CFAP299: variants seen among roughly 807,000 people sequenced by gnomAD.
The protein encoded by CFAP299 is cilia- and flagella-associated protein 299.
In CFAP299, 21 loss-of-function variants were observed where a neutral mutation model predicts 27.0. The observed-to-expected ratio is 0.78, with a 90% CI of 0.55 to 1.12. The LOEUF (loss-of-function observed/expected upper bound fraction) is 1.12, where lower values mean the gene tolerates loss of function less well. Ranked by LOEUF, CFAP299 falls within the 50% of genes most tolerant of loss-of-function variation. The pLI is 0.00. For missense variants in CFAP299, 310 were observed against 276.6 expected, an observed-to-expected ratio of 1.12 and a Z score of -0.86; for synonymous variants, 104 against 98.1, an observed-to-expected ratio of 1.06 and a Z score of -0.36.
upstream of CFAP299, among the ~76,000 whole-genome samples, chr4:80,335,206 A>C (rs731658): frequency 0.066 from 9,991 of 152,272 alleles, 350 homozygotes; most frequent in Middle Eastern, 0.18. Context: ...AAAGGTCTGC[A>C]AAGACATTTT....
rs537449467 is a variant in CFAP299, at chr4:80,454,995, G to T, written c.242+92111G>T. On this transcript the variant is annotated intron_variant, in intron 2 of 5. Coordinates refer to ENST00000358105, the MANE Select transcript of CFAP299 (RefSeq NM_152770.3). Reference sequence around the variant, plus strand: ...CAGATGAGCCAGTTTATTGATCTGGGTGACACTAGCTGATCTGAGTGCAGG... The same window carrying T: ...CAGATGAGCCAGTTTATTGATCTGGTTGACACTAGCTGATCTGAGTGCAGG... Among the ~76,000 whole-genome samples the T allele has an allele frequency of 9.2e-5, 14 of 152,210 alleles. No homozygotes were observed. In the South Asian group the frequency reaches 1.5e-3, roughly 16 times the overall value.
chr4:80,587,751 C>T (rs767696101), intron 3 of CFAP299, among the ~76,000 whole-genome samples: 1 of 152,062 alleles, frequency 6.6e-6, no homozygotes, highest in Admixed American at 6.5e-5. Context: ...GTCACCACAC[C>T]CAGCTAATTT....
rs76569015 is a variant in CFAP299 at position 80,608,662 on chromosome 4, T to C, written c.333+25479T>C. On this transcript the variant is annotated intron_variant, in intron 3 of 5. Coordinates refer to ENST00000358105, the MANE Select transcript of CFAP299 (RefSeq NM_152770.3). ...ACTTAAAAAATCCATACAACTCTTA[T>C]ATTTTAAAATCTTATTTTTTAAAGA... is the stretch of plus-strand genomic sequence containing the variant. 1.2e-4 allele frequency among the ~76,000 whole-genome samples: 19 copies of C among 152,272 alleles called. No individual in the cohort carries two copies. In the East Asian group the frequency reaches 2.5e-3, roughly 20 times the overall value.
At chr4:80,900,162 C>T (rs867359465) in intron 4 of CFAP299, among the ~76,000 whole-genome samples, 2 of 65,676 alleles carry the variant, frequency 3.0e-5, no homozygotes, top group African/African-American at 1.0e-4. Flanking sequence ...GTGTGTGTGT[C>T]TGAGAGAGTA....
intron 3 of CFAP299, among the ~76,000 whole-genome samples, chr4:80,801,369 A>G (rs1728589954): frequency 6.6e-6 from 1 of 152,024 alleles, no homozygotes; most frequent in South Asian, 2.1e-4. Context: ...ATTAATTTTT[A>G]TCAATAAAAT....
At chr4:80,716,912 G>C (rs1027356340) in intron 3 of CFAP299, among the ~76,000 whole-genome samples, 1 of 152,034 alleles carries the variant, frequency 6.6e-6, no homozygotes, top group African/African-American at 2.4e-5. Flanking sequence ...AACCTTTGAA[G>C]GAATGTGTTT....
chr4:80,683,783 T>C (rs1028082401), intron 3 of CFAP299, among the ~76,000 whole-genome samples: 2 of 152,230 alleles, frequency 1.3e-5, no homozygotes, highest in Admixed American at 1.3e-4. Flanking sequence ...TAACAACGTT[T>C]ATGAAATATT....
intron 4 of CFAP299, among the ~76,000 whole-genome samples, chr4:80,875,474 A>G (rs1454687098): frequency 6.6e-6 from 1 of 152,106 alleles, no homozygotes; most frequent in Non-Finnish European, 1.5e-5. Flanking sequence ...ACCCTGGCCA[A>G]CATGGTGAAA....
chr4:80,413,159 T>C (rs1348642572), intron 2 of CFAP299, among the ~76,000 whole-genome samples: 1 of 152,170 alleles, frequency 6.6e-6, no homozygotes, highest in East Asian at 1.9e-4. Context: ...AAAGCTTAAC[T>C]GGAGTGGGTT....
intron 3 of CFAP299, among the ~76,000 whole-genome samples, chr4:80,799,656 TATTATATTTTATAAATATATATTTATAA>T (rs1728190973): frequency 1.7e-4 from 3 of 17,970 alleles, no homozygotes; most frequent in Non-Finnish European, 2.5e-4. Flanking sequence ...ATATTTTATA[TATTATATTTTATAAATATATATTTATAA>T]ATATATAATA....
intron 3 of CFAP299, among the ~76,000 whole-genome samples, chr4:80,667,769 G>A (rs1741216089): frequency 6.6e-6 from 1 of 152,100 alleles, no homozygotes; most frequent in Non-Finnish European, 1.5e-5. Flanking sequence ...TGTGAATAGT[G>A]CTGCAATAAA....
chr4:80,615,582 G>A (rs1738228883), intron 3 of CFAP299, among the ~76,000 whole-genome samples: 2 of 151,502 alleles, frequency 1.3e-5, no homozygotes, highest in Non-Finnish European at 2.9e-5. Context: ...ACCCAGGCTG[G>A]AGTTCAGTGG....
At chr4:80,603,996 TA>T (rs1159483207) in intron 3 of CFAP299, among the ~76,000 whole-genome samples, 8 of 152,278 alleles carry the variant, frequency 5.3e-5, no homozygotes, top group Non-Finnish European at 8.8e-5. Flanking sequence ...AGTGTTCACT[TA>T]AAAAATACTT....
intron 3 of CFAP299, among the ~76,000 whole-genome samples, chr4:80,840,028 C>G (rs1482987192): frequency 6.6e-6 from 1 of 152,110 alleles, no homozygotes; most frequent in Non-Finnish European, 1.5e-5. Flanking sequence ...CTTGTGAAAA[C>G]CCATATGCAA....
At chr4:80,955,027 A>C (rs33984017) in intron 5 of CFAP299, among the ~76,000 whole-genome samples, 15,809 of 72,440 alleles carry the variant, frequency 0.22, 4,649 homozygotes, top group Non-Finnish European at 0.34. Flanking sequence ...AAAAAAAAAA[A>C]AAAAAAACGC....
chr4:80,440,085 G>A (rs1043063586), intron 2 of CFAP299, among the ~76,000 whole-genome samples: 15 of 152,148 alleles, frequency 9.9e-5, no homozygotes, highest in African/African-American at 3.6e-4. Flanking sequence ...CCATCTCCCT[G>A]GGACAGAGCA....
At chr4:80,962,645 T>A (rs984002043) in intron 5 of CFAP299, among the ~76,000 whole-genome samples, 1 of 151,954 alleles carries the variant, frequency 6.6e-6, no homozygotes, top group Non-Finnish European at 1.5e-5. Context: ...GGACACCCAC[T>A]TTTTTGTTTA....
intron 2 of CFAP299, among the ~76,000 whole-genome samples, chr4:80,363,657 T>A (rs376788711): frequency 3.3e-5 from 5 of 152,208 alleles, no homozygotes; most frequent in Non-Finnish European, 5.9e-5. Flanking sequence ...CTTGGGAATA[T>A]GCAATTAGAA....
intron 3 of CFAP299, among the ~76,000 whole-genome samples, chr4:80,600,268 T>A (rs2109899602): frequency 6.6e-6 from 1 of 152,230 alleles, no homozygotes; most frequent in African/African-American, 2.4e-5. Context: ...TTATCTGATA[T>A]AACTAGTCCA....
Sources: allele counts gnomAD v4.1 joint callset (sites outside exome capture counted in the v4.1 genomes callset), GRCh38; gene constraint gnomAD v4.1.1; transcripts MANE v1.5; gene names NCBI Gene and HGNC (gene_info 2026-07-23, HGNC 2026-07-21).